The following PCDH15 variants were observed in gnomAD, a reference collection of about 807,000 sequenced individuals.
PCDH15 encodes protocadherin-15.
PCDH15 carries 129 observed loss-of-function variants against 178.5 expected under a neutral mutation model. The observed-to-expected ratio is 0.72, with a 90% CI of 0.63 to 0.84. The LOEUF (loss-of-function observed/expected upper bound fraction) is 0.84. Among genes scored for constraint, PCDH15 ranks in the 40% least tolerant of loss-of-function variants. The pLI, the probability that PCDH15 is intolerant of heterozygous loss-of-function variation, is 0.00. For missense variants in PCDH15, 2,230 were observed against 2,099.9 expected (o/e 1.06, Z -1.21); for synonymous variants, 800 against 732.0 (o/e 1.09, Z -1.50).
chr10:55,098,022 T>G (rs977918764), intron 2 of PCDH15, among the ~76,000 whole-genome samples: 1 of 152,116 alleles, frequency 6.6e-6, no homozygotes, highest in African/African-American at 2.4e-5. Flanking sequence ...TGCCTAGTCA[T>G]GCATGACAAA....
intron 2 of PCDH15, among the ~76,000 whole-genome samples, chr10:54,941,456 T>C (rs1294711756): frequency 6.6e-6 from 1 of 152,100 alleles, no homozygotes; most frequent in Non-Finnish European, 1.5e-5. Context: ...TTTTATCTCC[T>C]TATTGATGTT....
At chr10:53,890,944 C>T (rs2081513738) in intron 26 of PCDH15, among the ~76,000 whole-genome samples, 1 of 152,092 alleles carries the variant, frequency 6.6e-6, no homozygotes, top group Non-Finnish European at 1.5e-5. Flanking sequence ...TTTCTTATGG[C>T]TTATTTGGAA....
chr10:54,109,795 C>T (rs1457045443), intron 15 of PCDH15, among the ~76,000 whole-genome samples: 5 of 151,940 alleles, frequency 3.3e-5, no homozygotes, highest in Non-Finnish European at 7.4e-5. Context: ...AACAAAGTGA[C>T]TACAGTAAAA....
intron 2 of PCDH15, among the ~76,000 whole-genome samples, chr10:55,613,250 T>C (rs974751803): frequency 4.6e-5 from 7 of 152,124 alleles, no homozygotes; most frequent in African/African-American, 1.7e-4. Flanking sequence ...GGCTCAATTA[T>C]CCAAATTCTT....
intron 21 of PCDH15, among the ~76,000 whole-genome samples, chr10:53,972,423 C>A (rs1238873126): frequency 3.3e-5 from 5 of 152,120 alleles, no homozygotes; most frequent in South Asian, 2.1e-4. Context: ...GCAACAAAAG[C>A]CAAAATTGAC....
At chr10:54,585,610 ATG>A in intron 2 of PCDH15, 1 of 74,486 alleles carries the variant, frequency 1.3e-5, no homozygotes, top group Non-Finnish European at 2.9e-5. Flanking sequence ...TCCTAGCAAT[ATG>A]TGTTTTTTTT....
At chr10:55,253,695 G>C (rs1841909531) in intron 1 of PCDH15, among the ~76,000 whole-genome samples, 1 of 151,958 alleles carries the variant, frequency 6.6e-6, no homozygotes, top group Non-Finnish European at 1.5e-5. Flanking sequence ...GGCTCATTCA[G>C]CAATGCACAT....
intron 3 of PCDH15, among the ~76,000 whole-genome samples, chr10:54,825,074 C>T (rs1953103413): frequency 6.6e-6 from 1 of 152,018 alleles, no homozygotes; most frequent in Non-Finnish European, 1.5e-5. Flanking sequence ...CTTCCTGTGT[C>T]CATGTGTTCT....
At chr10:55,324,194 A>G (rs551920037), upstream of PCDH15, among the ~76,000 whole-genome samples, 16 of 152,222 alleles carry the variant, frequency 1.1e-4, no homozygotes, top group East Asian at 2.9e-3. Flanking sequence ...TTTACAAGTT[A>G]CCCAGTCCCA....
chr10:54,269,807 C>G (rs1241593754), intron 8 of PCDH15, among the ~76,000 whole-genome samples: 4 of 151,946 alleles, frequency 2.6e-5, no homozygotes, highest in African/African-American at 9.7e-5. Context: ...TTAAGTGTAA[C>G]AAACCTACAA....
intron 6 of PCDH15, among the ~76,000 whole-genome samples, chr10:54,330,269 A>G (rs1474583575): frequency 6.6e-6 from 1 of 151,840 alleles, no homozygotes; most frequent in Non-Finnish European, 1.5e-5. Context: ...TATAGAGTGT[A>G]GATTCACAAA....
At chr10:55,561,068 A>G (rs1436499633) in intron 2 of PCDH15, among the ~76,000 whole-genome samples, 2 of 151,762 alleles carry the variant, frequency 1.3e-5, no homozygotes, top group African/African-American at 2.4e-5. Context: ...GACAAAAGAG[A>G]ATATATATTT....
At position 54,745,916 on chromosome 10, in the gene PCDH15, G is replaced by T. The variant is rs141860850; in HGVS notation, c.-29+55009C>A. ...TAGATATTTTCTTGAAGATATGGCAGTCTAACAAGGAACAATTTTAGATAA... is the reference window on the plus strand; with the variant it reads ...TAGATATTTTCTTGAAGATATGGCATTCTAACAAGGAACAATTTTAGATAA... On this transcript the variant is annotated intron_variant, in intron 1 of 37. Coordinates refer to ENST00000644397, the MANE Select transcript of PCDH15 (RefSeq NM_001384140.1). Among the ~76,000 whole-genome samples the T allele has an allele frequency of 3.6e-3, 542 of 152,244 alleles. 4 individuals are homozygous for T. Among genetic ancestry groups the T allele is most frequent in the African/African-American group, 0.013 (526 of 41,556 alleles).
chr10:55,354,222 A>T (rs2131970732), intron 2 of PCDH15, among the ~76,000 whole-genome samples: 1 of 152,228 alleles, frequency 6.6e-6, no homozygotes, highest in East Asian at 1.9e-4. Flanking sequence ...ATCAGTTTGG[A>T]TACCTGTAAC....
intron 5 of PCDH15, among the ~76,000 whole-genome samples, chr10:54,363,487 A>G (rs1482306497): frequency 6.6e-6 from 1 of 152,196 alleles, no homozygotes; most frequent in Non-Finnish European, 1.5e-5. Context: ...AATGAAACTA[A>G]CAAATGGTAA....
chr10:54,054,718 C>A (rs545889400), intron 18 of PCDH15, among the ~76,000 whole-genome samples: 1 of 150,438 alleles, frequency 6.6e-6, no homozygotes, highest in Non-Finnish European at 1.5e-5. Flanking sequence ...TGAAACATGA[C>A]CACATTTCAA....
intron 14 of PCDH15, among the ~76,000 whole-genome samples, chr10:54,147,028 C>G (rs28713514): frequency 1.0e-5 from 1 of 98,406 alleles, no homozygotes; most frequent in Non-Finnish European, 1.9e-5. Context: ...TGTATATATA[C>G]AAATATATAA....
chr10:54,926,482 G>A (rs1415896686), intron 2 of PCDH15, among the ~76,000 whole-genome samples: 1 of 152,042 alleles, frequency 6.6e-6, no homozygotes, highest in African/African-American at 2.4e-5. Flanking sequence ...GAATTGGGCA[G>A]GAGTCTCTCC....
intron 2 of PCDH15, among the ~76,000 whole-genome samples, chr10:54,620,409 A>G (rs763004086): frequency 4.6e-5 from 7 of 152,078 alleles, no homozygotes; most frequent in Non-Finnish European, 7.4e-5. Flanking sequence ...TTCTAGTCTT[A>G]TAAATGAAAC....
Sources: allele counts gnomAD v4.1 joint callset (sites outside exome capture counted in the v4.1 genomes callset), GRCh38; gene constraint gnomAD v4.1.1; transcripts MANE v1.5; gene names NCBI Gene and HGNC (gene_info 2026-07-23, HGNC 2026-07-21).